The following CMIP variants were observed in gnomAD, a reference collection of about 807,000 sequenced individuals.
The protein encoded by CMIP is c-Maf inducing protein, also known as C-Maf-inducing protein.
In CMIP, 13 loss-of-function variants were observed where a neutral mutation model predicts 97.3. The ratio of observed to expected loss-of-function variants is 0.13; its 90% confidence interval spans 0.09 to 0.21. CMIP has a LOEUF of 0.21. CMIP is among the 10% of genes least tolerant of loss of function. The pLI, the probability that CMIP is intolerant of heterozygous loss-of-function variation, is 1.00. For missense variants in CMIP, 847 were observed against 1,024.9 expected, an observed-to-expected ratio of 0.83 and a Z score of 2.37; for synonymous variants, 538 against 436.3, an observed-to-expected ratio of 1.23 and a Z score of -2.91.
At chr16:81,683,756 CTTT>C (rs71272426) in intron 10 of CMIP, among the ~76,000 whole-genome samples, 2 of 81,610 alleles carry the variant, frequency 2.5e-5, no homozygotes, top group African/African-American at 1.0e-4. Flanking sequence ...TTTTCTTTTT[CTTT>C]TTTTTTTTTT....
chr16:81,703,889 C>G lies in CMIP; in HGVS notation c.1945-50C>G, dbSNP rs1000795851. On this transcript the variant is annotated intron_variant, in intron 17 of 20. Transcript: ENST00000537098. ...GATAGGGGATAGGAGGGCTCAGGGT[C>G]TCGGGAACTCCCAGCAGCACCCTCA... 1.2e-5 allele frequency: 18 copies of G among 1,554,288 alleles called. No homozygotes were observed. In the East Asian group the frequency reaches 4.0e-4, roughly 35 times the overall value.
intron 1 of CMIP, among the ~76,000 whole-genome samples, chr16:81,521,259 T>A (rs1226300779): frequency 6.6e-6 from 1 of 152,220 alleles, no homozygotes; most frequent in Non-Finnish European, 1.5e-5. Flanking sequence ...CATTGCTTGC[T>A]GAGCGGATGG....
At chr16:81,503,686 C>T (rs978604346) in intron 1 of CMIP, among the ~76,000 whole-genome samples, 2 of 152,216 alleles carry the variant, frequency 1.3e-5, no homozygotes, top group Admixed American at 6.5e-5. Flanking sequence ...CCTGAGCCAC[C>T]GCGCCTGGCC....
At chr16:81,599,733 T>C (rs2091625501) in intron 1 of CMIP, among the ~76,000 whole-genome samples, 1 of 152,224 alleles carries the variant, frequency 6.6e-6, no homozygotes, top group Admixed American at 6.5e-5. Flanking sequence ...AGGAGGCCTG[T>C]GTGAGACATC....
At chr16:81,589,339 C>T (rs2091431315) in intron 1 of CMIP, among the ~76,000 whole-genome samples, 1 of 152,178 alleles carries the variant, frequency 6.6e-6, no homozygotes, top group African/African-American at 2.4e-5. Flanking sequence ...TCAAGTGATC[C>T]ATCCTTCTTT....
In CMIP at chr16:81,574,016, C is replaced by G. The variant is rs545956236; in HGVS notation, c.301-33551C>G. On this transcript the variant is annotated intron_variant, in intron 1 of 20. Coordinates refer to ENST00000537098, the MANE Select transcript of CMIP (RefSeq NM_198390.3). Reference sequence around the variant, plus strand: ...CTGGAGCCTTTACCTGGACTGCAATCTAGTATAGTAGTCACTAGCCACGTG... The same window carrying G: ...CTGGAGCCTTTACCTGGACTGCAATGTAGTATAGTAGTCACTAGCCACGTG... 2.3e-4 allele frequency among the ~76,000 whole-genome samples: 35 copies of G among 152,292 alleles called. No individual in the cohort carries two copies. In the Middle Eastern group the frequency reaches 0.017, roughly 74 times the overall value.
At chr16:81,525,388 G>T (rs898371846) in intron 1 of CMIP, among the ~76,000 whole-genome samples, 1 of 150,052 alleles carries the variant, frequency 6.7e-6, no homozygotes, top group African/African-American at 2.5e-5. Context: ...GGTGATCCGT[G>T]CATCTCGGCC....
chr16:81,638,382 C>A (rs906813024), intron 3 of CMIP, among the ~76,000 whole-genome samples: 1 of 152,154 alleles, frequency 6.6e-6, no homozygotes, highest in Non-Finnish European at 1.5e-5. Context: ...GCCCTCCCCC[C>A]AGAGCATCTT....
chr16:81,519,132 C>T (rs533243280), intron 1 of CMIP: 1 of 152,266 alleles, frequency 6.6e-6, no homozygotes, highest in African/African-American at 2.4e-5. Context: ...TGTACCCGGC[C>T]TCAAAATATT....
intron 17 of CMIP, among the ~76,000 whole-genome samples, chr16:81,703,009 G>A (rs998895041): frequency 2.6e-5 from 4 of 152,062 alleles, no homozygotes; most frequent in African/African-American, 9.7e-5. Flanking sequence ...GCAACCCTTG[G>A]AAGCTTGTGT....
chr16:81,705,701 A>C (rs984729876), intron 19 of CMIP, 97 bp downstream of exon 19: 5 of 721,716 alleles, frequency 6.9e-6, no homozygotes, highest in East Asian at 5.5e-5. Flanking sequence ...TGCACCATGC[A>C]CAGATAGAGA....
In CMIP at chr16:81,481,065, G is replaced by A. The variant is rs900557774; in HGVS notation, c.300+35524G>A. Among the ~76,000 whole-genome samples, 5 of 152,216 alleles carry A rather than the reference G, an allele frequency of 3.3e-5. No homozygotes were observed. The South Asian group carries it at 6.2e-4, about 19-fold the overall frequency. ...TGTGCACACCTCAGGGCTTTGGCCCGGCTGTCTCCCTCAGCTGCACATGGT... is the reference window on the plus strand; with the variant it reads ...TGTGCACACCTCAGGGCTTTGGCCCAGCTGTCTCCCTCAGCTGCACATGGT... On this transcript the variant is annotated intron_variant, in intron 1 of 20. Coordinates refer to ENST00000537098, the MANE Select transcript of CMIP (RefSeq NM_198390.3).
intron 3 of CMIP, among the ~76,000 whole-genome samples, chr16:81,640,737 CAT>C (rs371925337): frequency 2.6e-5 from 2 of 75,978 alleles, no homozygotes; most frequent in East Asian, 3.0e-4. Context: ...CTCTCTGGAG[CAT>C]GTGTGTGTGT....
rs561563539 is a variant in CMIP, at chr16:81,560,772, C to T, written c.301-46795C>T. 3.3e-5 allele frequency among the ~76,000 whole-genome samples: 5 copies of T among 152,200 alleles called. No individual in the cohort carries two copies. In the South Asian group the frequency reaches 1.0e-3, roughly 32 times the overall value. On this transcript the variant is annotated intron_variant, in intron 1 of 20. Coordinates refer to ENST00000537098, the MANE Select transcript of CMIP (RefSeq NM_198390.3). ...TATGTTTAGGTACACAAATATTTACCACTGTGCTACAGCTACCTACAGTAT... is the reference window on the plus strand; with the variant it reads ...TATGTTTAGGTACACAAATATTTACTACTGTGCTACAGCTACCTACAGTAT...
chr16:81,479,601 T>A (rs1415860152), intron 1 of CMIP, among the ~76,000 whole-genome samples: 2 of 152,220 alleles, frequency 1.3e-5, no homozygotes, highest in Non-Finnish European at 2.9e-5. Flanking sequence ...AATATAGGAT[T>A]TGTCTTTTTC....
chr16:81,633,984 C>T (rs1193204104), intron 3 of CMIP, among the ~76,000 whole-genome samples: 1 of 152,232 alleles, frequency 6.6e-6, no homozygotes, highest in African/African-American at 2.4e-5. Flanking sequence ...CATCCCAGGC[C>T]TCCTGGCACT....
At chr16:81,462,835 T>C (rs1469668207) in intron 1 of CMIP, among the ~76,000 whole-genome samples, 1 of 152,182 alleles carries the variant, frequency 6.6e-6, no homozygotes, top group Non-Finnish European at 1.5e-5. Context: ...CTGCTCAGCT[T>C]TGCCCTGGCT....
intron 10 of CMIP, among the ~76,000 whole-genome samples, chr16:81,691,120 T>G (rs1906012802): frequency 6.6e-6 from 1 of 152,166 alleles, no homozygotes; most frequent in African/African-American, 2.4e-5. Flanking sequence ...ATTAGTTTGC[T>G]AGGACTGCTA....
At chr16:81,647,158 C>T (rs1335873134) in intron 3 of CMIP, among the ~76,000 whole-genome samples, 2 of 152,194 alleles carry the variant, frequency 1.3e-5, no homozygotes, top group Admixed American at 6.5e-5. Flanking sequence ...CCTCGTAGGA[C>T]GAAGTCGTAT....
Sources: allele counts gnomAD v4.1 joint callset (sites outside exome capture counted in the v4.1 genomes callset), GRCh38; gene constraint gnomAD v4.1.1; transcripts MANE v1.5; gene names NCBI Gene and HGNC (gene_info 2026-07-23, HGNC 2026-07-21).